The following RBFOX1 variants were observed in gnomAD, a reference collection of about 807,000 sequenced individuals.
The protein encoded by RBFOX1 is RNA binding fox-1 homolog 1.
RBFOX1 carries 8 observed loss-of-function variants against 57.7 expected under a neutral mutation model. The ratio of observed to expected loss-of-function variants is 0.14; its 90% CI spans 0.08 to 0.25. The LOEUF (loss-of-function observed/expected upper bound fraction) is 0.25. Ranked by LOEUF, RBFOX1 falls within the 10% of genes least tolerant of loss-of-function variation. The pLI is 1.00. For synonymous variants in RBFOX1, 326 were observed against 222.4 expected, an observed-to-expected ratio of 1.47 and a Z score of -4.15; for missense variants, 611 against 548.5, an observed-to-expected ratio of 1.11 and a Z score of -1.14.
intron 3 of RBFOX1, chr16:6,774,098 A>T: frequency 1.3e-6 from 1 of 784,316 alleles, no homozygotes; most frequent in South Asian, 5.8e-5. Flanking sequence ...ATTACCAAGA[A>T]TTGGACTTTT....
intron 4 of RBFOX1, among the ~76,000 whole-genome samples, chr16:5,900,136 G>T (rs1057171418): frequency 2.0e-5 from 3 of 152,166 alleles, no homozygotes; most frequent in Admixed American, 2.0e-4. Context: ...TGCTTATATT[G>T]TACCTTTGTT....
intron 4 of RBFOX1, among the ~76,000 whole-genome samples, chr16:7,342,008 G>C (rs1280319401): frequency 2.6e-5 from 4 of 152,028 alleles, no homozygotes; most frequent in African/African-American, 9.7e-5. Flanking sequence ...GGGGAGAATT[G>C]CAGTGAGGAG....
rs1555715872 is a variant in RBFOX1 at position 7,650,003 on chromosome 16, G to GAGGAGGAAAGGACAGGA, written c.758-3806_758-3805insAAAGGACAGGAAGGAGG. Among the ~76,000 whole-genome samples the GAGGAGGAAAGGACAGGA allele has an allele frequency of 3.3e-5, 5 of 149,572 alleles. No homozygotes were observed. In the East Asian group the frequency reaches 8.0e-4, roughly 24 times the overall value. ...GAAGAGCGAGGGGAGAAAGGAAAAGGAGGAGGGAAGACAAAAGGAAGAAAG... is the reference window on the plus strand; with the variant it reads ...GAAGAGCGAGGGGAGAAAGGAAAAGGAGGAGGAAAGGACAGGAAGGAGGGAAGACAAAAGGAAGAAAG... On this transcript the variant is annotated intron_variant, in intron 11 of 15. Transcript: ENST00000550418.
intron 2 of RBFOX1, among the ~76,000 whole-genome samples, chr16:6,578,202 C>G (rs1410793520): frequency 6.6e-6 from 1 of 152,218 alleles, no homozygotes; most frequent in African/African-American, 2.4e-5. Context: ...TACCTCATAT[C>G]TTACGTAGTG....
At chr16:7,228,605 C>G (rs2093298785) in intron 4 of RBFOX1, among the ~76,000 whole-genome samples, 1 of 152,138 alleles carries the variant, frequency 6.6e-6, no homozygotes, top group South Asian at 2.1e-4. Flanking sequence ...GGAGTAGAGA[C>G]CTGATTCAAA....
chr16:6,100,119 A>T (rs760614963), intron 1 of RBFOX1, among the ~76,000 whole-genome samples: 2 of 152,062 alleles, frequency 1.3e-5, no homozygotes, highest in Non-Finnish European at 2.9e-5. Flanking sequence ...TTGAAATGTG[A>T]TGCAGGCTTA....
intron 3 of RBFOX1, among the ~76,000 whole-genome samples, chr16:6,931,529 T>C (rs1490154351): frequency 6.6e-6 from 1 of 152,150 alleles, no homozygotes. Flanking sequence ...TGGGGACATC[T>C]TGCCAATTTG....
chr16:5,891,803 G>A (rs1306919304), intron 4 of RBFOX1, among the ~76,000 whole-genome samples: 1 of 152,208 alleles, frequency 6.6e-6, no homozygotes, highest in Admixed American at 6.5e-5. Flanking sequence ...GATAGCCAGT[G>A]TGGTCAGCTG....
chr16:7,653,777 G>C (rs778908265), intron 11 of RBFOX1, 38 bp from the exon 12 acceptor site: 7 of 1,574,494 alleles, frequency 4.4e-6, no homozygotes, highest in Non-Finnish European at 6.0e-6. Flanking sequence ...GCATCTGACA[G>C]CCTGTGCTCT....
intron 1 of RBFOX1, among the ~76,000 whole-genome samples, chr16:6,187,143 T>C (rs969531493): frequency 5.3e-5 from 8 of 152,138 alleles, no homozygotes; most frequent in Admixed American, 2.0e-4. Context: ...TAGAAAGTTA[T>C]TGTCATGCTT....
chr16:6,405,126 CACTCT>C (rs2093229440), intron 2 of RBFOX1, among the ~76,000 whole-genome samples: 1 of 152,150 alleles, frequency 6.6e-6, no homozygotes, highest in African/African-American at 2.4e-5. Flanking sequence ...GTAAAATTTG[CACTCT>C]ACTCTATAAC....
At position 6,898,599 on chromosome 16, in the gene RBFOX1, C is replaced by T. The variant is rs562584825; in HGVS notation, c.-15-153458C>T. Among the ~76,000 whole-genome samples, 14 of 152,150 alleles carry T rather than the reference C, an allele frequency of 9.2e-5. No homozygotes were observed. The South Asian group carries it at 2.9e-3, about 32-fold the overall frequency. ...AAACTTCTCATGTCCGTGGGAGTAA[C>T]ATAAAAGGAAGTAGGTTATTTTTAA... is the stretch of plus-strand genomic sequence containing the variant. On this transcript the variant is annotated intron_variant, in intron 3 of 15. Coordinates refer to ENST00000550418, the MANE Select transcript of RBFOX1 (RefSeq NM_018723.4).
intron 4 of RBFOX1, among the ~76,000 whole-genome samples, chr16:7,268,296 C>T (rs1362518642): frequency 1.3e-5 from 2 of 152,150 alleles, no homozygotes; most frequent in African/African-American, 4.8e-5. Context: ...GGGTGCTATT[C>T]AGGGAACGGA....
intron 3 of RBFOX1, among the ~76,000 whole-genome samples, chr16:6,700,257 C>A (rs1003237684): frequency 7.2e-5 from 11 of 151,938 alleles, no homozygotes; most frequent in African/African-American, 2.7e-4. Flanking sequence ...GGCTTCCTCT[C>A]AATAGCTGAA....
intron 4 of RBFOX1, among the ~76,000 whole-genome samples, chr16:7,177,832 C>G (rs1165167112): frequency 6.6e-6 from 1 of 152,172 alleles, no homozygotes; most frequent in Non-Finnish European, 1.5e-5. Flanking sequence ...ATGAGCATGG[C>G]TGTATTCCGA....
chr16:6,934,726 G>T (rs1294367624), intron 3 of RBFOX1, among the ~76,000 whole-genome samples: 1 of 152,062 alleles, frequency 6.6e-6, no homozygotes, highest in East Asian at 1.9e-4. Flanking sequence ...GGAAAAAGCT[G>T]TGAGGCCCTT....
chr16:5,685,942 C>T (rs1473503550), intron 3 of RBFOX1, among the ~76,000 whole-genome samples: 1 of 152,162 alleles, frequency 6.6e-6, no homozygotes, highest in Non-Finnish European at 1.5e-5. Context: ...AACCTAGATG[C>T]CACTTAATGG....
At chr16:7,091,732 C>T (rs1006463222) in intron 4 of RBFOX1, among the ~76,000 whole-genome samples, 1 of 152,170 alleles carries the variant, frequency 6.6e-6, no homozygotes, top group Non-Finnish European at 1.5e-5. Flanking sequence ...GGGGAGCCTC[C>T]TCTGAATTCT....
chr16:6,671,418 C>T lies in RBFOX1; in HGVS notation c.-16+16768C>T, dbSNP rs190579267. Among the ~76,000 whole-genome samples the T allele has an allele frequency of 2.6e-5, 4 of 152,272 alleles. No homozygotes were observed. In the East Asian group the frequency reaches 5.8e-4, roughly 22 times the overall value. On this transcript the variant is annotated intron_variant, in intron 3 of 15. Coordinates refer to ENST00000550418, the MANE Select transcript of RBFOX1 (RefSeq NM_018723.4). ...AATTTGCATGGAAAAGAGAAATATT[C>T]ATGTTCATATTCAAACATCATTTTA...
Sources: allele counts gnomAD v4.1 joint callset (sites outside exome capture counted in the v4.1 genomes callset), GRCh38; gene constraint gnomAD v4.1.1; transcripts MANE v1.5; gene names NCBI Gene and HGNC (gene_info 2026-07-23, HGNC 2026-07-21).